NOX4: variants seen among roughly 807,000 people sequenced by gnomAD.
NOX4 encodes the protein NADPH oxidase 4.
In NOX4, 69 loss-of-function variants were observed where a neutral mutation model predicts 87.6. The ratio of observed to expected loss-of-function variants is 0.79; its 90% CI spans 0.65 to 0.96. NOX4 has a LOEUF of 0.96. Ranked by LOEUF, NOX4 falls within the 40% of genes least tolerant of loss-of-function variation. The probability of loss-of-function intolerance (pLI) is 0.00; values close to 1 mark genes in which losing one functional copy is unlikely to be tolerated. For missense variants in NOX4, 680 were observed against 681.5 expected, an observed-to-expected ratio of 1.00 and a Z score of 0.02; for synonymous variants, 275 against 238.2, an observed-to-expected ratio of 1.15 and a Z score of -1.42.
At chr11:89,339,365 A>C (rs1447244997) in intron 15 of NOX4, among the ~76,000 whole-genome samples, 1 of 152,192 alleles carries the variant, frequency 6.6e-6, no homozygotes, top group Non-Finnish European at 1.5e-5. Flanking sequence ...CATAAACAAT[A>C]TAAATAGTAT....
chr11:89,508,024 G>A, the NOX4 span, among the ~76,000 whole-genome samples: 437 of 151,948 alleles, frequency 2.9e-3, 4 homozygotes, highest in African/African-American at 9.6e-3. Flanking sequence ...TATACGAAGC[G>A]CCCATTCATT....
intron 12 of NOX4, among the ~76,000 whole-genome samples, chr11:89,369,241 G>A (rs546002477): frequency 7.9e-5 from 12 of 151,954 alleles, no homozygotes; most frequent in Non-Finnish European, 1.6e-4. Context: ...GCCAAATTGA[G>A]GATGGTGAAA....
chr11:89,433,304 A>G (rs931343467), intron 6 of NOX4, among the ~76,000 whole-genome samples: 1 of 152,114 alleles, frequency 6.6e-6, no homozygotes, highest in Non-Finnish European at 1.5e-5. Flanking sequence ...CGTTTAGACC[A>G]ATCAGGATCT....
chr11:89,493,629 G>T (rs1323018780), upstream of NOX4, among the ~76,000 whole-genome samples: 1 of 151,850 alleles, frequency 6.6e-6, no homozygotes, highest in Admixed American at 6.6e-5. Context: ...AGTACTCCAA[G>T]CCATCCCCAA....
chr11:89,513,899 G>A, the NOX4 span, among the ~76,000 whole-genome samples: 341 of 151,670 alleles, frequency 2.2e-3, no homozygotes, highest in Middle Eastern at 6.8e-3. Context: ...AATATTTATG[G>A]GGTTACAATT....
chr11:89,339,081 A>G (rs1945856689), intron 15 of NOX4, among the ~76,000 whole-genome samples: 2 of 152,192 alleles, frequency 1.3e-5, no homozygotes, highest in Admixed American at 1.3e-4. Context: ...ATAAATATAC[A>G]CTGAATGATA....
chr11:89,552,468 C>A, the NOX4 span, among the ~76,000 whole-genome samples: 3 of 152,118 alleles, frequency 2.0e-5, no homozygotes, highest in Non-Finnish European at 4.4e-5. Flanking sequence ...CCTTATAATT[C>A]ATTGCCTCAC....
chr11:89,473,887 A>C (rs2135450826), intron 2 of NOX4, among the ~76,000 whole-genome samples: 1 of 152,328 alleles, frequency 6.6e-6, no homozygotes, highest in Admixed American at 6.5e-5. Flanking sequence ...CTGTATGCAA[A>C]GAAAGAGCCA....
upstream of NOX4, among the ~76,000 whole-genome samples, chr11:89,493,108 C>G (rs897985340): frequency 6.6e-6 from 1 of 152,192 alleles, no homozygotes; most frequent in Admixed American, 6.5e-5. Context: ...AACGGACTGC[C>G]GGGCGCGGTG....
chr11:89,400,187 T>C (rs1342128549), intron 10 of NOX4, 28 bp downstream of exon 10: 8 of 1,605,080 alleles, frequency 5.0e-6, no homozygotes, highest in Non-Finnish European at 6.0e-6. Flanking sequence ...ATAAAGGCTA[T>C]TTAAAAAGTT....
chr11:89,523,537 C>G, the NOX4 span, among the ~76,000 whole-genome samples: 1 of 152,282 alleles, frequency 6.6e-6, no homozygotes, highest in African/African-American at 2.4e-5. Flanking sequence ...TGTTATTTAA[C>G]TGTTCATTAT....
intron 11 of NOX4, 105 bp downstream of exon 11, chr11:89,399,912 T>C: frequency 2.9e-6 from 2 of 686,038 alleles, no homozygotes; most frequent in African/African-American, 1.8e-5. Flanking sequence ...ACATCAAGAG[T>C]ACTATGATAG....
chr11:89,471,315 T>G (rs1014999121), intron 2 of NOX4, among the ~76,000 whole-genome samples: 2 of 152,154 alleles, frequency 1.3e-5, no homozygotes, highest in Non-Finnish European at 2.9e-5. Context: ...AAATGCATGG[T>G]TATTAATAAA....
Position 89,421,783 on chromosome 11 carries a change from A to G in NOX4, c.629+119T>C, listed in dbSNP as rs1943094730. The G allele has an allele frequency of 8.7e-6, 5 of 574,732 alleles. No individual in the cohort carries two copies. The South Asian group carries it at 1.2e-4, about 14-fold the overall frequency. The allele number at this position is 574,732 out of a possible 1,614,324, so 35.6% of individuals were successfully genotyped here. A position where few individuals can be genotyped will look rare whatever the true frequency, so the allele number is the denominator to read the frequency against. On this transcript the variant is annotated intron_variant, in intron 8 of 17. Transcript: ENST00000263317. ...TTGACGTTATCCTCAATAGTAGAGA[A>G]ACTATTTCTTTCACTCTTGACACTT...
the NOX4 span, among the ~76,000 whole-genome samples, chr11:89,588,898 G>A: frequency 1.6e-3 from 246 of 152,234 alleles, 1 homozygote; most frequent in African/African-American, 5.5e-3. Context: ...ACTAAAAGAT[G>A]TAATTGCAGA....
chr11:89,432,224 C>T (rs1591228659), intron 7 of NOX4, among the ~76,000 whole-genome samples: 2 of 151,798 alleles, frequency 1.3e-5, no homozygotes, highest in South Asian at 2.1e-4. Flanking sequence ...GGGGGAGGGA[C>T]AGCATTAGGA....
intron 2 of NOX4, among the ~76,000 whole-genome samples, chr11:89,476,056 C>G (rs1946155185): frequency 6.6e-6 from 1 of 152,162 alleles, no homozygotes; most frequent in Non-Finnish European, 1.5e-5. Flanking sequence ...TATTCCATCT[C>G]ACAACCTTCC....
the NOX4 span, among the ~76,000 whole-genome samples, chr11:89,521,062 C>T: frequency 2.0e-5 from 3 of 152,066 alleles, no homozygotes; most frequent in Non-Finnish European, 2.9e-5. Flanking sequence ...AATGGAAAAA[C>T]ATTTCATGCC....
chr11:89,387,495 A>G (rs1168971675), intron 11 of NOX4, among the ~76,000 whole-genome samples: 1 of 152,100 alleles, frequency 6.6e-6, no homozygotes, highest in Non-Finnish European at 1.5e-5. Context: ...TACCCAGGTG[A>G]TTAAAAAGCT....
Sources: gnomAD v4.1 joint callset for allele counts (sites outside exome capture counted in the v4.1 genomes callset) on GRCh38, gnomAD v4.1.1 for gene constraint, MANE v1.5 for transcripts, NCBI Gene and HGNC (gene_info 2026-07-23, HGNC 2026-07-21) for gene names.